The following NOC2L variants were observed in gnomAD, a reference collection of about 807,000 sequenced individuals.
NOC2L encodes the protein nucleolar complex protein 2 homolog.
In NOC2L, 101 loss-of-function variants were observed where a neutral mutation model predicts 94.2. That is an observed-to-expected ratio of 1.07 (90% CI 0.91 to 1.26). The LOEUF is 1.26. NOC2L is among the 50% of genes most tolerant of loss of function. The probability of loss-of-function intolerance (pLI) is 0.00; values close to 1 mark genes in which losing one functional copy is unlikely to be tolerated. For synonymous variants in NOC2L, 531 were observed against 413.4 expected (o/e 1.28, Z -3.45); for missense variants, 1,076 against 980.1 (o/e 1.10, Z -1.31).
At chr1:948,661 C>T (rs1642178858) in intron 12 of NOC2L, 58 bp from the exon 13 acceptor site, 2 of 422,790 alleles carry the variant, frequency 4.7e-6, no homozygotes, top group Admixed American at 5.3e-5. Flanking sequence ...CCTGGCTTCA[C>T]CCTGGCTGCA....
In NOC2L at chr1:957,080, G is replaced by C. The variant is rs41285802; in HGVS notation, c.354+19C>G. The C allele has an allele frequency of 0.039, 63,049 of 1,613,924 alleles. 2,673 individuals are homozygous for C. The highest frequency in any genetic ancestry group is 0.22 in the African/African-American group (16,550 of 75,036). ...TGTAGAGACAAGTGCCCCCCTTCTG[G>C]TTTGGCCCACGCCCTCACCTCCAGC... On this transcript the variant is annotated intron_variant, in intron 3 of 18. Coordinates refer to ENST00000327044, the MANE Select transcript of NOC2L (RefSeq NM_015658.4).
chr1:950,625 A>G (rs1642232465), intron 12 of NOC2L, among the ~76,000 whole-genome samples: 1 of 151,872 alleles, frequency 6.6e-6, no homozygotes, highest in African/African-American at 2.4e-5. Flanking sequence ...ATACACGTGC[A>G]TACACACATA....
At chr1:947,231 C>T (rs569947270) in intron 14 of NOC2L, among the ~76,000 whole-genome samples, 10 of 152,308 alleles carry the variant, frequency 6.6e-5, no homozygotes, top group African/African-American at 2.2e-4. Context: ...GACCCTGGGC[C>T]CTTGAGTCCA....
At position 944,315 on chromosome 1, in the gene NOC2L, T is replaced by C; in HGVS notation, c.*379A>G. On this transcript the variant is annotated 3_prime_UTR_variant, in exon 19 of 19. Coordinates refer to ENST00000327044, the MANE Select transcript of NOC2L (RefSeq NM_015658.4). Reference sequence around the variant, plus strand: ...AGGAAAGGAACAAATTTTCAAAGACTTGGGGGAGTGAAGGCAGAGCCTGGT... The same window carrying C: ...AGGAAAGGAACAAATTTTCAAAGACCTGGGGGAGTGAAGGCAGAGCCTGGT... 1 of 1,388,732 alleles carries C rather than the reference T, an allele frequency of 7.2e-7. No homozygotes were observed. Among genetic ancestry groups the C allele is most frequent in the South Asian group, 1.8e-5 (1 of 54,824 alleles). 86.0% of individuals were successfully genotyped at this position (1,388,732 alleles called of 1,614,324 possible).
rs140372449 is a variant in NOC2L at position 946,456 on chromosome 1, G to A, written c.1749C>T (p.Tyr583=). 5.6e-6 allele frequency: 9 copies of A among 1,613,200 alleles called. No individual in the cohort carries two copies. Among genetic ancestry groups the A allele is most frequent in the South Asian group, 1.1e-5 (1 of 91,092 alleles). Residue 583 remains tyrosine (Y), a synonymous_variant, in exon 15 of 19, where the codon TAC becomes TAT. Coordinates refer to ENST00000327044, the MANE Select transcript of NOC2L (RefSeq NM_015658.4). The part of the protein sequence containing the change: ...LLGKVQENSA[Y]ICSRRQRVSF... The stretch of plus-strand genomic sequence containing the variant: ...AAACCCTCTGGCGGCGGCTGCAGAT[G>A]TATGCCGAGTTCTCCTGAACCTTCC...
intron 12 of NOC2L, among the ~76,000 whole-genome samples, chr1:950,548 CACAT>C (rs1374816090): frequency 6.6e-6 from 1 of 152,244 alleles, no homozygotes; most frequent in East Asian, 1.9e-4. Flanking sequence ...CAAAGGTACA[CACAT>C]GCATACACAC....
chr1:954,110 G>T (rs1284246864), intron 6 of NOC2L, 28 bp from the exon 7 acceptor site: 6 of 1,608,572 alleles, frequency 3.7e-6, no homozygotes, highest in Non-Finnish European at 5.1e-6. Flanking sequence ...ACCCCTGGCT[G>T]GGAGGCCCCA....
intron 14 of NOC2L, among the ~76,000 whole-genome samples, 153 bp downstream of exon 14, chr1:947,978 C>T (rs1642162222): frequency 6.6e-6 from 1 of 152,214 alleles, no homozygotes; most frequent in South Asian, 2.1e-4. Context: ...ATCAGCCCCT[C>T]CAAGGGGGCC....
At position 959,255 on chromosome 1, in the gene NOC2L, G is replaced by A. The variant is rs758515455; in HGVS notation, c.-15C>T. On this transcript the variant is annotated 5_prime_UTR_variant, in exon 1 of 19. Transcript: ENST00000327044. Reference sequence around the variant, plus strand: ...GCAGCTGCCATGACACCAACCCGAAGCGTGCACCCCACTTCCGGCCCCAGA... The same window carrying A: ...GCAGCTGCCATGACACCAACCCGAAACGTGCACCCCACTTCCGGCCCCAGA... 1.9e-6 allele frequency: 3 copies of A among 1,602,462 alleles called. No homozygotes were observed. The highest frequency in any genetic ancestry group is 1.3e-5 in the African/African-American group (1 of 74,758).
In NOC2L at chr1:952,520, G is replaced by A. The variant is rs1455003580; in HGVS notation, c.1083C>T (p.Thr361=). 1.9e-6 allele frequency: 3 copies of A among 1,613,826 alleles called. No homozygotes were observed. The highest frequency in any genetic ancestry group is 3.3e-5 in the Admixed American group (2 of 60,010). ...ALPFISFMQW[T]LTELLALEPG... is the part of the protein sequence containing the mutation. ...GCTCCAGGGCCAGCAGCTCCGTCAA[G>A]GTCCACTGCATGAAACTGATGAAGG... The change falls in exon 10 of 19, where the codon ACC becomes ACT. Residue 361 remains threonine, a synonymous_variant. Coordinates refer to ENST00000327044, the MANE Select transcript of NOC2L (RefSeq NM_015658.4).
intron 8 of NOC2L, 63 bp from the exon 9 acceptor site, chr1:953,351 A>G (rs941384732): frequency 2.1e-6 from 2 of 972,666 alleles, no homozygotes; most frequent in African/African-American, 1.6e-5. Context: ...CCCCAGGGCC[A>G]GCACAGCCCT....
intron 17 of NOC2L, 162 bp downstream of exon 17, chr1:945,356 G>A (rs1642074575): frequency 9.9e-7 from 1 of 1,005,712 alleles, no homozygotes; most frequent in Non-Finnish European, 1.4e-6. Flanking sequence ...AAGGAGGGAA[G>A]GCGCTGGCAC....
chr1:948,391 G>T, intron 13 of NOC2L, 99 bp downstream of exon 13: 1 of 1,078,066 alleles, frequency 9.3e-7, no homozygotes, highest in Non-Finnish European at 1.4e-6. Flanking sequence ...GAAGGTCCAT[G>T]CTTGAACTTG....
intron 2 of NOC2L, chr1:958,552 C>T (rs1642481195): frequency 4.7e-6 from 2 of 427,586 alleles, no homozygotes; most frequent in African/African-American, 2.0e-5. Flanking sequence ...GCACAGCCTC[C>T]GCTCCTTCTA....
chr1:948,267 G>C, intron 13 of NOC2L, 35 bp from the exon 14 acceptor site: 2 of 1,516,610 alleles, frequency 1.3e-6, no homozygotes, highest in Non-Finnish European at 1.8e-6. Context: ...GTGCATCAGG[G>C]AGAGGCTGGG....
chr1:946,264 C>T lies in NOC2L; in HGVS notation c.1826G>A (p.Arg609Gln), dbSNP rs752922962. ...CAAGGTCAGGGGTGTCCCCTCTTCC[C>T]GGGTCAGCTTCTCCCAGGCTTCCTG... ...QAVEAWEKLT[R>Q]EEGTPLTLYY... The change falls in exon 16 of 19, where the codon CGG becomes CAG. Residue 609 changes from arginine (R) to glutamine (Q), a missense_variant. Physicochemically the swap from Arg to Gln is conservative, Grantham distance 43. This residue lies in a region of NOC2L where 615 missense variants were observed against 577.4 expected (regional missense o/e 1.07). Coordinates refer to ENST00000327044, the MANE Select transcript of NOC2L (RefSeq NM_015658.4). 24 of 1,613,540 alleles carry T rather than the reference C, an allele frequency of 1.5e-5. No individual in the cohort carries two copies. The highest frequency in any genetic ancestry group is 2.7e-5 in the African/African-American group (2 of 74,918).
chr1:957,274 C>T lies in NOC2L; in HGVS notation c.180-1G>A. On this transcript the variant is annotated splice_acceptor_variant, in intron 2 of 18. Coordinates refer to ENST00000327044, the MANE Select transcript of NOC2L (RefSeq NM_015658.4). LOFTEE classifies it high-confidence loss of function. The stretch of plus-strand genomic sequence containing the variant: ...CTCAGAGGCACGGCCTTTACGCCGG[C>T]TGAGGAGGCAGAAGTCAGCGACCCC... The T allele has an allele frequency of 6.2e-7, 1 of 1,613,258 alleles. No homozygotes were observed. Among genetic ancestry groups the T allele is most frequent in the South Asian group, 1.1e-5 (1 of 91,084 alleles).
intron 6 of NOC2L, among the ~76,000 whole-genome samples, chr1:955,208 A>T (rs1489761884): frequency 6.6e-6 from 1 of 152,258 alleles, no homozygotes; most frequent in Non-Finnish European, 1.5e-5. Context: ...CCATGTGGAC[A>T]TGGCTCTGTT....
At position 945,532 on chromosome 1, in the gene NOC2L, C is replaced by G. The variant is rs774793911; in HGVS notation, c.2039G>C (p.Gly680Ala). The change falls in exon 17 of 19, where the codon GGA becomes GCA. Residue 680 changes from glycine to alanine, a missense_variant. Gly to Ala is a moderately conservative substitution (Grantham distance 60). Transcript: ENST00000327044. ...GCAGGCCCCACCTCTCTCCGAGAAT[C>G]CCTCGGTGTCGTCCTCTTCAGAGCT... ...LNSSEEDDTE[G>A]FSERGILRPL... The G allele has an allele frequency of 1.2e-6, 2 of 1,613,928 alleles. No individual in the cohort carries two copies. Among genetic ancestry groups the G allele is most frequent in the Non-Finnish European group, 1.7e-6 (2 of 1,179,850 alleles).
Sources: allele counts gnomAD v4.1 joint callset (sites outside exome capture counted in the v4.1 genomes callset), GRCh38; gene constraint gnomAD v4.1.1; regional missense constraint gnomAD v4.1.1; transcripts MANE v1.5; gene names NCBI Gene and HGNC (gene_info 2026-07-23, HGNC 2026-07-21).